TMEM44: variants seen among roughly 807,000 people sequenced by gnomAD.
TMEM44 encodes transmembrane protein 44.
TMEM44 carries 43 observed loss-of-function variants against 47.8 expected under a neutral mutation model. The observed-to-expected ratio is 0.90, with a 90% CI of 0.70 to 1.16. The LOEUF is 1.16. TMEM44 is among the 50% of genes most tolerant of loss of function. The probability of loss-of-function intolerance (pLI) is 0.00; values close to 1 mark genes in which losing one functional copy is unlikely to be tolerated. For missense variants in TMEM44, 568 were observed against 555.2 expected (o/e 1.02, Z -0.23); for synonymous variants, 277 against 238.8 (o/e 1.16, Z -1.48).
At chr3:194,602,978 A>G (rs1714322098) in intron 9 of TMEM44, among the ~76,000 whole-genome samples, 2 of 152,238 alleles carry the variant, frequency 1.3e-5, no homozygotes, top group Non-Finnish European at 2.9e-5. Context: ...CTAAAAGGGC[A>G]TTTAACACCA....
intron 7 of TMEM44, among the ~76,000 whole-genome samples, chr3:194,615,319 A>G (rs1447435024): frequency 6.6e-6 from 1 of 152,280 alleles, no homozygotes; most frequent in East Asian, 1.9e-4. Flanking sequence ...GGAATTCCCA[A>G]GCCCCGGCCC....
At chr3:194,620,257 C>T (rs1577210111) in intron 5 of TMEM44, among the ~76,000 whole-genome samples, 1 of 146,494 alleles carries the variant, frequency 6.8e-6, no homozygotes, top group South Asian at 2.2e-4. Context: ...TGCCATTGCA[C>T]TCCAGCCTGG....
intron 2 of TMEM44, among the ~76,000 whole-genome samples, chr3:194,628,149 G>A (rs1229514149): frequency 2.0e-5 from 3 of 152,174 alleles, no homozygotes; most frequent in African/African-American, 2.4e-5. Flanking sequence ...GCTCCTGGCC[G>A]TGAGAAGTGA....
rs61739645 is a variant in TMEM44, at chr3:194,604,329, G to A, written c.1134C>T (p.Ser378=). 52,836 of 1,579,480 alleles carry A rather than the reference G, an allele frequency of 0.033. 970 individuals carry two copies. The highest frequency in any genetic ancestry group is 0.04 in the Middle Eastern group (243 of 6,026). Residue 378 remains serine (S), a synonymous_variant, in exon 9 of 10, where the codon TCC becomes TCT. Coordinates refer to ENST00000347147, the MANE Select transcript of TMEM44 (RefSeq NM_001011655.3). ...PVQVIRARVS[S]GSSSEVSSIN... ...TGGAGGAGACCTCAGAGGAGCTGCC[G>A]GAAGACACCCGGGCCCGGATGACCT...
At position 194,633,161 on chromosome 3, in the gene TMEM44, G is replaced by C. The variant is rs1718013134; in HGVS notation, c.55C>G (p.Arg19Gly). Residue 19 changes from arginine to glycine, a missense_variant, in exon 1 of 10, where the codon CGC becomes GGC. Coordinates refer to ENST00000347147, the MANE Select transcript of TMEM44 (RefSeq NM_001011655.3). ...CAGACGCGGTGGCGGGCGAAGCAGCGGTCCAGGTAGTCCCAGTCCCAGAGC... is the reference window on the plus strand; with the variant it reads ...CAGACGCGGTGGCGGGCGAAGCAGCCGTCCAGGTAGTCCCAGTCCCAGAGC... ...PALWDWDYLD[R>G]CFARHRVCIS... 6.5e-7 allele frequency: 1 copy of C among 1,548,426 alleles called. No homozygotes were observed. The highest frequency in any genetic ancestry group is 8.7e-7 in the Non-Finnish European group (1 of 1,146,642).
chr3:194,622,007 C>T (rs1457196404), intron 5 of TMEM44, among the ~76,000 whole-genome samples: 2 of 152,236 alleles, frequency 1.3e-5, no homozygotes, highest in African/African-American at 4.8e-5. Context: ...CCACCGCACC[C>T]AGCTGATTCT....
chr3:194,615,795 A>T, intron 6 of TMEM44, 98 bp from the exon 7 acceptor site: 1 of 1,464,772 alleles, frequency 6.8e-7, no homozygotes, highest in East Asian at 2.3e-5. Context: ...CTCCCCACTC[A>T]CCTACTCTCC....
intron 4 of TMEM44, 30 bp from the exon 5 acceptor site, chr3:194,623,340 A>C: frequency 6.3e-7 from 1 of 1,579,342 alleles, no homozygotes. Context: ...ATCCACCATC[A>C]GTACTCTGCA....
At chr3:194,593,228 C>T (rs1712983102) in intron 9 of TMEM44, among the ~76,000 whole-genome samples, 1 of 152,048 alleles carries the variant, frequency 6.6e-6, no homozygotes, top group Non-Finnish European at 1.5e-5. Context: ...CTTCAGCAAG[C>T]AGGAAGGCAG....
chr3:194,594,606 C>T (rs1713175066), intron 9 of TMEM44, among the ~76,000 whole-genome samples: 1 of 149,572 alleles, frequency 6.7e-6, no homozygotes, highest in East Asian at 1.9e-4. Flanking sequence ...CACTATCCTG[C>T]TGAGGGAACA....
chr3:194,608,834 A>G (rs75400756), intron 8 of TMEM44, among the ~76,000 whole-genome samples: 2,286 of 152,280 alleles, frequency 0.015, 66 homozygotes, highest in African/African-American at 0.052. Flanking sequence ...TGGGCCACCA[A>G]GAGCTCTGGC....
At chr3:194,629,110 G>A (rs1335466348) in intron 1 of TMEM44, among the ~76,000 whole-genome samples, 3 of 151,370 alleles carry the variant, frequency 2.0e-5, no homozygotes, top group Admixed American at 6.6e-5. Context: ...GTTGCAGTGA[G>A]CCAAGATCAC....
intron 2 of TMEM44, 131 bp downstream of exon 2, chr3:194,628,252 A>T (rs1452099469): frequency 4.7e-6 from 6 of 1,269,322 alleles, no homozygotes; most frequent in Non-Finnish European, 6.3e-6. Flanking sequence ...AGCCAGGCAC[A>T]GGTTCTGAGG....
intron 1 of TMEM44, among the ~76,000 whole-genome samples, chr3:194,632,339 A>C (rs547820134): frequency 2.1e-4 from 32 of 152,314 alleles, no homozygotes; most frequent in Admixed American, 2.0e-3. Flanking sequence ...AGACAGTTCT[A>C]ACCTCTCCCA....
rs745442236 is a variant in TMEM44, at chr3:194,628,373, C to A, written c.264+10G>T. 6.2e-7 allele frequency: 1 copy of A among 1,608,122 alleles called. No homozygotes were observed. The highest frequency in any genetic ancestry group is 8.5e-7 in the Non-Finnish European group (1 of 1,177,246). ...GGCCTAAGCCACTGTCAGCTGGAGG[C>A]CCAACATACCTGGATTGTGAGCTGT... On this transcript the variant is annotated intron_variant, in intron 2 of 9. Coordinates refer to ENST00000347147, the MANE Select transcript of TMEM44 (RefSeq NM_001011655.3).
intron 9 of TMEM44, chr3:194,596,829 T>G (rs1462163590): frequency 6.6e-6 from 1 of 152,238 alleles, no homozygotes; most frequent in African/African-American, 2.4e-5. Flanking sequence ...TGGGGCCCAG[T>G]GAAGCATCTT....
At position 194,633,068 on chromosome 3, in the gene TMEM44, G is replaced by A. The variant is rs1261573834; in HGVS notation, c.137+11C>T. ...CCCGCCCGACAGCCCCCCGACCCGT[G>A]GCCCCATTACAGCGCGTGGGCGGCG... On this transcript the variant is annotated intron_variant, in intron 1 of 9. Transcript: ENST00000347147. 1.5e-6 allele frequency: 2 copies of A among 1,318,670 alleles called. No individual in the cohort carries two copies. The highest frequency in any genetic ancestry group is 2.0e-6 in the Non-Finnish European group (2 of 984,632). 81.7% of individuals were successfully genotyped at this position (1,318,670 alleles called of 1,614,324 possible).
intron 1 of TMEM44, among the ~76,000 whole-genome samples, chr3:194,632,625 A>G (rs1292510190): frequency 6.6e-6 from 1 of 152,196 alleles, no homozygotes; most frequent in Non-Finnish European, 1.5e-5. Flanking sequence ...CAAGGTCCTA[A>G]GAGTTGGTGG....
chr3:194,604,372 G>A lies in TMEM44; in HGVS notation c.1091C>T (p.Pro364Leu), dbSNP rs151243596. The part of the protein sequence containing the change: ...SAGDASLQDP[P>L]SYPPVQVIRA... The stretch of plus-strand genomic sequence containing the variant: ...GATGACCTGAACGGGAGGGTACGAC[G>A]GGGGGTCCTGCAGGGACGCATCTCC... The change falls in exon 9 of 10, where the codon CCG becomes CTG. Residue 364 changes from proline (P) to leucine (L), a missense_variant. Transcript: ENST00000347147. 446 of 1,559,418 alleles carry A rather than the reference G, an allele frequency of 2.9e-4. No individual in the cohort carries two copies. Among genetic ancestry groups the A allele is most frequent in the Non-Finnish European group, 3.4e-4 (395 of 1,151,578 alleles).
Sources: gnomAD v4.1 joint callset for allele counts (sites outside exome capture counted in the v4.1 genomes callset) on GRCh38, gnomAD v4.1.1 for gene constraint, MANE v1.5 for transcripts, NCBI Gene and HGNC (gene_info 2026-07-23, HGNC 2026-07-21) for gene names.